Variants in ARL6 observed in about 807,000 individuals in gnomAD.
The protein encoded by ARL6 is ARF like GTPase 6.
In ARL6, 18 loss-of-function variants were observed where a neutral mutation model predicts 27.1. That is an observed-to-expected ratio of 0.66 (90% CI 0.46 to 0.98). The LOEUF (loss-of-function observed/expected upper bound fraction) is 0.98, where lower values mean the gene tolerates loss of function less well. Among genes scored for constraint, ARL6 ranks in the 50% least tolerant of loss-of-function variants. The pLI, the probability that ARL6 is intolerant of heterozygous loss-of-function variation, is 0.00. For synonymous variants in ARL6, 65 were observed against 72.3 expected (o/e 0.90, Z 0.51); for missense variants, 187 against 214.9 (o/e 0.87, Z 0.81).
intron 2 of ARL6, among the ~76,000 whole-genome samples, chr3:97,769,659 T>A (rs1427846269): frequency 6.6e-6 from 1 of 152,046 alleles, no homozygotes; most frequent in African/African-American, 2.4e-5. Flanking sequence ...TGTATTTTTA[T>A]ACCTATTAAT....
rs575781488 is a variant in ARL6, at chr3:97,796,521, A to C, written c.536-1503A>C. ...ATATCCAAATAATAGGAAATTCAGA[A>C]AGAGAGAACAGAAAAAAGTAGAGGA... On this transcript the variant is annotated intron_variant, in intron 7 of 7. Coordinates refer to ENST00000463745, the MANE Select transcript of ARL6 (RefSeq NM_001278293.3). 1.8e-4 allele frequency among the ~76,000 whole-genome samples: 27 copies of C among 152,256 alleles called. No homozygotes were observed. The South Asian group carries it at 5.4e-3, about 30-fold the overall frequency.
chr3:97,792,202 G>C (rs2037772984), intron 7 of ARL6, among the ~76,000 whole-genome samples: 1 of 152,126 alleles, frequency 6.6e-6, no homozygotes, highest in Non-Finnish European at 1.5e-5. Context: ...TTTCTTTTAA[G>C]AATCATGCTG....
At chr3:97,797,137 A>G (rs2038041247) in intron 7 of ARL6, among the ~76,000 whole-genome samples, 1 of 152,218 alleles carries the variant, frequency 6.6e-6, no homozygotes, top group Non-Finnish European at 1.5e-5. Context: ...TTGTAACAAA[A>G]TGACTGTGGC....
At chr3:97,794,264 G>C (rs2037890793) in intron 7 of ARL6, among the ~76,000 whole-genome samples, 1 of 151,500 alleles carries the variant, frequency 6.6e-6, no homozygotes, top group Admixed American at 6.6e-5. Context: ...CCAGGCTGGA[G>C]TGCAGTGGTA....
intron 6 of ARL6, among the ~76,000 whole-genome samples, chr3:97,788,642 G>A (rs9816710): frequency 0.42 from 63,305 of 151,914 alleles, 14,192 homozygotes; most frequent in East Asian, 0.65. Context: ...TGCCTGGTAT[G>A]TAATAGGTAC....
Position 97,800,821 on chromosome 3 carries a change from G to A in ARL6, c.*2772G>A, listed in dbSNP as rs2108127900. ...CCAGCATGGTTGGGTTCTGGTGAGA[G>A]CCGTCTTGGTTGCAGACTGCCATCT... On this transcript the variant is annotated 3_prime_UTR_variant, in exon 8 of 8. Transcript: ENST00000463745. 1 of 152,194 alleles carries A rather than the reference G, an allele frequency of 6.6e-6. No individual in the cohort carries two copies. The highest frequency in any genetic ancestry group is 1.9e-4 in the East Asian group (1 of 5,202). The allele number at this position is 152,194 out of a possible 1,614,324, so 9.4% of individuals were successfully genotyped here. A position where few individuals can be genotyped will look rare whatever the true frequency, so the allele number is the denominator to read the frequency against.
chr3:97,780,108 A>G, intron 2 of ARL6, 51 bp from the exon 3 acceptor site: 5 of 1,452,582 alleles, frequency 3.4e-6, no homozygotes, highest in Non-Finnish European at 4.8e-6. Flanking sequence ...ACTTGAGGAA[A>G]ACTCATCTCT....
intron 6 of ARL6, among the ~76,000 whole-genome samples, chr3:97,788,325 G>A (rs112207984): frequency 1.3e-5 from 2 of 152,132 alleles, no homozygotes; most frequent in Middle Eastern, 3.4e-3. Flanking sequence ...GGGGGGATAG[G>A]AAAATATAAA....
intron 2 of ARL6, among the ~76,000 whole-genome samples, chr3:97,771,296 G>C (rs575547292): frequency 6.6e-5 from 10 of 151,476 alleles, no homozygotes; most frequent in African/African-American, 2.2e-4. Flanking sequence ...TTACTTTCTT[G>C]ATTTCATTTT....
intron 7 of ARL6, among the ~76,000 whole-genome samples, chr3:97,794,171 T>G (rs1421783770): frequency 7.4e-6 from 1 of 134,796 alleles, no homozygotes. Context: ...TTATATTTTC[T>G]TTCTTTTGTG....
intron 7 of ARL6, among the ~76,000 whole-genome samples, chr3:97,795,933 A>G (rs1034110152): frequency 2.0e-5 from 3 of 152,212 alleles, no homozygotes; most frequent in Non-Finnish European, 4.4e-5. Context: ...CCCAGAAAAC[A>G]ATGACAGTAG....
At chr3:97,780,841 G>A (rs2037161945) in intron 4 of ARL6, among the ~76,000 whole-genome samples, 158 bp downstream of exon 4, 1 of 151,678 alleles carries the variant, frequency 6.6e-6, no homozygotes, top group Admixed American at 6.6e-5. Flanking sequence ...ACTCAACATT[G>A]TTTGTCAAAT....
intron 7 of ARL6, among the ~76,000 whole-genome samples, chr3:97,795,485 TCTCA>T (rs2037956793): frequency 1.3e-5 from 2 of 152,056 alleles, no homozygotes; most frequent in Admixed American, 6.6e-5. Flanking sequence ...CATTCCCAAC[TCTCA>T]CTAACAGTAA....
intron 6 of ARL6, 141 bp from the exon 7 acceptor site, chr3:97,791,630 C>A: frequency 3.1e-6 from 2 of 634,956 alleles, no homozygotes; most frequent in Non-Finnish European, 5.4e-6. Flanking sequence ...TGTTTATTTT[C>A]AATTTCAATG....
At chr3:97,797,631 G>C (rs1334963692) in intron 7 of ARL6, among the ~76,000 whole-genome samples, 2 of 152,158 alleles carry the variant, frequency 1.3e-5, no homozygotes, top group Non-Finnish European at 2.9e-5. Context: ...GTTATAAGTA[G>C]TTGCCCCTGA....
At chr3:97,784,710 T>C (rs1002003646) in intron 4 of ARL6, among the ~76,000 whole-genome samples, 1 of 151,890 alleles carries the variant, frequency 6.6e-6, no homozygotes, top group African/African-American at 2.4e-5. Context: ...TTTAAAATTA[T>C]GAAGTAGCAA....
intron 3 of ARL6, 89 bp from the exon 4 acceptor site, chr3:97,780,526 G>A (rs1225710771): frequency 9.4e-7 from 1 of 1,064,798 alleles, no homozygotes; most frequent in East Asian, 2.5e-5. Flanking sequence ...CATATGAAGG[G>A]TAATTTCTTT....
At chr3:97,765,213 T>G (rs77379238) in intron 1 of ARL6, among the ~76,000 whole-genome samples, 351 of 20,902 alleles carry the variant, frequency 0.017, 9 homozygotes, top group South Asian at 0.069. Flanking sequence ...GTATTGGGGG[T>G]GTGTGTGTGT....
At chr3:97,771,560 G>C (rs1411800981) in intron 2 of ARL6, among the ~76,000 whole-genome samples, 3 of 152,048 alleles carry the variant, frequency 2.0e-5, no homozygotes, top group Non-Finnish European at 4.4e-5. Flanking sequence ...GAGTAAAAGT[G>C]GTGAAAATGA....
Sources: gnomAD v4.1 joint callset for allele counts (sites outside exome capture counted in the v4.1 genomes callset) on GRCh38, gnomAD v4.1.1 for gene constraint, MANE v1.5 for transcripts, NCBI Gene and HGNC (gene_info 2026-07-23, HGNC 2026-07-21) for gene names.